Variants in FAH observed in about 807,000 individuals in gnomAD.
The protein encoded by FAH is fumarylacetoacetase.
Under a neutral mutation model 55.8 loss-of-function variants are expected in FAH, and 47 were observed. The ratio of observed to expected loss-of-function variants is 0.84; its 90% confidence interval spans 0.67 to 1.07. The LOEUF is 1.07. Ranked by LOEUF, FAH falls within the 50% of genes least tolerant of loss-of-function variation. The probability of loss-of-function intolerance (pLI) is 0.00; values close to 1 mark genes in which losing one functional copy is unlikely to be tolerated. For synonymous variants in FAH, 199 were observed against 207.7 expected (o/e 0.96, Z 0.36); for missense variants, 495 against 545.9 (o/e 0.91, Z 0.93).
chr15:80,155,452 C>G (rs2041089974), intron 1 of FAH, among the ~76,000 whole-genome samples: 1 of 152,192 alleles, frequency 6.6e-6, no homozygotes, highest in Non-Finnish European at 1.5e-5. Flanking sequence ...GGCAAAGCAT[C>G]ATGCTCCAGA....
At chr15:80,154,749 C>G (rs1377264729) in intron 1 of FAH, among the ~76,000 whole-genome samples, 4 of 152,236 alleles carry the variant, frequency 2.6e-5, no homozygotes, top group Non-Finnish European at 1.5e-5. Flanking sequence ...TGAACCCCAA[C>G]TCTGGTCCAG....
chr15:80,168,023 C>T (rs773433243), intron 5 of FAH, 29 bp from the exon 6 acceptor site: 5 of 1,559,816 alleles, frequency 3.2e-6, no homozygotes, highest in Non-Finnish European at 4.4e-6. Context: ...AGCTCTGATG[C>T]CCTGCATTCT....
rs759821435 is a variant in FAH, at chr15:80,175,006, G to T, written c.838-10G>T. The T allele has an allele frequency of 1.2e-6, 2 of 1,613,610 alleles. No homozygotes were observed. Among genetic ancestry groups the T allele is most frequent in the Admixed American group, 1.7e-5 (1 of 60,002 alleles). Reference sequence around the variant, plus strand: ...GCCAGTGACCTCTGTGCTGTGCTTTGCCCTCTCAGGACCCCAGGCCCCTGC... The same window carrying T: ...GCCAGTGACCTCTGTGCTGTGCTTTTCCCTCTCAGGACCCCAGGCCCCTGC... On this transcript the variant is annotated splice_polypyrimidine_tract_variant and intron_variant, in intron 9 of 13. Coordinates refer to ENST00000561421, the MANE Select transcript of FAH (RefSeq NM_000137.4).
chr15:80,157,602 C>T (rs896497426), intron 1 of FAH: 1 of 238,246 alleles, frequency 4.2e-6, no homozygotes, highest in Non-Finnish European at 8.4e-6. Context: ...ATCCAAGCCA[C>T]CTGGCCCTCA....
chr15:80,183,330 A>C (rs2041345407), intron 13 of FAH, among the ~76,000 whole-genome samples: 1 of 152,260 alleles, frequency 6.6e-6, no homozygotes, highest in Non-Finnish European at 1.5e-5. Context: ...AATTTCATAC[A>C]GAAGGGGACC....
Position 80,181,059 on chromosome 15 carries a change from C to T in FAH, c.1080C>T (p.Gly360=). 6.2e-7 allele frequency: 1 copy of T among 1,613,622 alleles called. No homozygotes were observed. Among genetic ancestry groups the T allele is most frequent in the Non-Finnish European group, 8.5e-7 (1 of 1,179,648 alleles). ...TISGPEPENF[G]SMLELSWKGT... ...TGATGAAGGAGCCAGAAAACTTCGG[C>T]TCCATGTTGGAACTGTCGTGGAAGG... Residue 360 remains glycine (G), a synonymous_variant, in exon 13 of 14, where the codon GGC becomes GGT. Transcript: ENST00000561421.
intron 3 of FAH, 152 bp downstream of exon 3, chr15:80,160,029 T>C: frequency 9.4e-7 from 1 of 1,062,104 alleles, no homozygotes; most frequent in Non-Finnish European, 1.4e-6. Flanking sequence ...GAGCTGCCTA[T>C]TGATGGGAGG....
Position 80,182,049 on chromosome 15 carries a change from T to C in FAH, c.1180+890T>C, listed in dbSNP as rs189338951. Among the ~76,000 whole-genome samples, 553 of 152,342 alleles carry C rather than the reference T, an allele frequency of 3.6e-3. 3 individuals carry two copies. The highest frequency in any genetic ancestry group is 0.013 in the African/African-American group (528 of 41,578). ...AGGTACAAGTTCAAAATCCTCGTGT[T>C]GGCAGTGCCATGTTCCTGGAAACTC... On this transcript the variant is annotated intron_variant, in intron 13 of 13. Coordinates refer to ENST00000561421, the MANE Select transcript of FAH (RefSeq NM_000137.4).
intron 13 of FAH, among the ~76,000 whole-genome samples, chr15:80,184,590 A>G (rs143950922): frequency 3.0e-4 from 45 of 151,642 alleles, no homozygotes; most frequent in African/African-American, 1.1e-3. Flanking sequence ...TTTTCACCCC[A>G]GTGGTGTGGA....
chr15:80,162,204 A>C, intron 4 of FAH, 42 bp from the exon 5 acceptor site: 3 of 1,467,570 alleles, frequency 2.0e-6, no homozygotes, highest in Non-Finnish European at 2.9e-6. Context: ...TTCCTGAGGC[A>C]TGTGGGTTGC....
intron 13 of FAH, among the ~76,000 whole-genome samples, chr15:80,183,608 G>C (rs1226777587): frequency 6.6e-6 from 1 of 152,164 alleles, no homozygotes; most frequent in Non-Finnish European, 1.5e-5. Context: ...TGCCTTTATG[G>C]CTGCCTCTCA....
chr15:80,159,701 G>C, intron 2 of FAH, 55 bp from the exon 3 acceptor site: 4 of 1,612,580 alleles, frequency 2.5e-6, no homozygotes, highest in Non-Finnish European at 3.4e-6. Context: ...TGGAAGGAGG[G>C]ATACTCCCTG....
At chr15:80,169,466 C>A (rs1318334922) in intron 7 of FAH, among the ~76,000 whole-genome samples, 1 of 152,186 alleles carries the variant, frequency 6.6e-6, no homozygotes, top group African/African-American at 2.4e-5. Context: ...CATGGCTGGG[C>A]CCATACAACC....
At chr15:80,185,100 A>C (rs998111758) in intron 13 of FAH, among the ~76,000 whole-genome samples, 1 of 152,190 alleles carries the variant, frequency 6.6e-6, no homozygotes, top group Non-Finnish European at 1.5e-5. Flanking sequence ...TGTGCTGGGA[A>C]TTTCACTGAA....
At position 80,162,229 on chromosome 15, in the gene FAH, G is replaced by C; in HGVS notation, c.365-17G>C. 1 of 1,604,900 alleles carries C rather than the reference G, an allele frequency of 6.2e-7. No individual in the cohort carries two copies. Among genetic ancestry groups the C allele is most frequent in the Non-Finnish European group, 8.5e-7 (1 of 1,171,856 alleles). ...ATGTGGGTTGCTGATGGGATCTGTT[G>C]GGTCTTTCCTCTGCAGGAGACTACA... On this transcript the variant is annotated splice_polypyrimidine_tract_variant and intron_variant, in intron 4 of 13. Transcript: ENST00000561421.
chr15:80,170,176 C>T, intron 7 of FAH, among the ~76,000 whole-genome samples: 1 of 152,240 alleles, frequency 6.6e-6, no homozygotes, highest in East Asian at 1.9e-4. Flanking sequence ...GCTGGGTTGT[C>T]TGATGCCCAA....
chr15:80,180,290 G>C (rs554773299), intron 12 of FAH, 65 bp downstream of exon 12: 207 of 1,327,778 alleles, frequency 1.6e-4, no homozygotes, highest in Middle Eastern at 1.2e-3. Flanking sequence ...ACAGCCCCAA[G>C]GGCCCTCAGC....
rs2041295339 is a variant in FAH at position 80,177,583 on chromosome 15, G to A, written c.960G>A (p.Lys320=). 10 of 1,613,566 alleles carry A rather than the reference G, an allele frequency of 6.2e-6. No individual in the cohort carries two copies. In the East Asian group the frequency reaches 2.0e-4, roughly 32 times the overall value. ...QAATICKSNF[K]YMYWTMLQQL... ...CTACCATATGCAAGTCCAATTTTAA[G>A]GTAAGCTTTGACGCTGATCAGACTG... The change falls in exon 11 of 14, where the codon AAG becomes AAA. Residue 320 remains lysine, a splice_region_variant and synonymous_variant. Transcript: ENST00000561421.
rs149754041 is a variant in FAH, at chr15:80,178,060, C to T, written c.960+477C>T. 4.8e-3 allele frequency among the ~76,000 whole-genome samples: 728 copies of T among 152,102 alleles called. 3 individuals are homozygous for T. The highest frequency in any genetic ancestry group is 0.017 in the African/African-American group (688 of 41,504). Reference sequence around the variant, plus strand: ...GCAAAAAGTAAAAAAATTAGCCGGGCGTGGTAGCATGCACCTGTGGTCCCG... The same window carrying T: ...GCAAAAAGTAAAAAAATTAGCCGGGTGTGGTAGCATGCACCTGTGGTCCCG... On this transcript the variant is annotated intron_variant, in intron 11 of 13. Transcript: ENST00000561421.
Sources: gnomAD v4.1 joint callset for allele counts (sites outside exome capture counted in the v4.1 genomes callset) on GRCh38, gnomAD v4.1.1 for gene constraint, MANE v1.5 for transcripts, NCBI Gene and HGNC (gene_info 2026-07-23, HGNC 2026-07-21) for gene names.